The following NFIA variants were observed in gnomAD, a reference collection of about 807,000 sequenced individuals.
The protein encoded by NFIA is nuclear factor 1 A-type.
NFIA carries 8 observed loss-of-function variants against 62.8 expected under a neutral mutation model. That is an observed-to-expected ratio of 0.13 (90% CI 0.07 to 0.23). The LOEUF is 0.23. NFIA is among the 10% of genes least tolerant of loss of function. NFIA has a pLI of 1.00. For synonymous variants in NFIA, 235 were observed against 238.1 expected (o/e 0.99, Z 0.12); for missense variants, 410 against 642.1 (o/e 0.64, Z 3.91).
upstream of NFIA, among the ~76,000 whole-genome samples, chr1:61,081,140 C>T (rs1646089004): frequency 6.6e-6 from 1 of 151,982 alleles, no homozygotes; most frequent in Non-Finnish European, 1.5e-5. Flanking sequence ...TTGTCAAATG[C>T]AGCATTTTGC....
At chr1:61,448,919 G>A (rs1288695181) in intron 10 of NFIA, among the ~76,000 whole-genome samples, 1 of 152,204 alleles carries the variant, frequency 6.6e-6, no homozygotes, top group African/African-American at 2.4e-5. Context: ...TAATTGGATT[G>A]TGTATGCACT....
chr1:61,258,372 C>T (rs925873665), intron 2 of NFIA, among the ~76,000 whole-genome samples: 5 of 152,186 alleles, frequency 3.3e-5, no homozygotes, highest in African/African-American at 1.2e-4. Flanking sequence ...CTAGACCCAT[C>T]TTTTTAAATG....
intron 5 of NFIA, among the ~76,000 whole-genome samples, chr1:61,354,641 A>T (rs1217030573): frequency 6.6e-6 from 1 of 152,214 alleles, no homozygotes; most frequent in Non-Finnish European, 1.5e-5. Context: ...TTGGAACTTT[A>T]AAAATATGCT....
chr1:61,146,623 GTGTT>G (rs1483729522), intron 2 of NFIA, among the ~76,000 whole-genome samples: 1 of 152,174 alleles, frequency 6.6e-6, no homozygotes, highest in East Asian at 1.9e-4. Flanking sequence ...ATAGTACTCT[GTGTT>G]TGTGATTCTG....
At chr1:61,267,995 G>C (rs1287463344) in intron 2 of NFIA, among the ~76,000 whole-genome samples, 1 of 152,152 alleles carries the variant, frequency 6.6e-6, no homozygotes, top group Non-Finnish European at 1.5e-5. Flanking sequence ...AGAGGAGAAT[G>C]ATCCAGTATC....
intron 2 of NFIA, among the ~76,000 whole-genome samples, chr1:61,127,872 C>A (rs938185547): frequency 1.3e-5 from 2 of 152,110 alleles, no homozygotes; most frequent in Non-Finnish European, 2.9e-5. Flanking sequence ...TCTGCAGGAA[C>A]CTTTGAAAAC....
chr1:61,201,690 T>G (rs896116433), intron 2 of NFIA, among the ~76,000 whole-genome samples: 6 of 152,022 alleles, frequency 3.9e-5, no homozygotes, highest in Non-Finnish European at 8.8e-5. Flanking sequence ...TAGAATGAAT[T>G]TATGAGCGAG....
intron 2 of NFIA, among the ~76,000 whole-genome samples, chr1:61,114,690 T>G (rs1646766979): frequency 6.6e-6 from 1 of 152,186 alleles, no homozygotes. Context: ...CCTGGACTTT[T>G]CTTCTTATCT....
intron 4 of NFIA, among the ~76,000 whole-genome samples, chr1:61,349,336 G>A (rs936709694): frequency 6.6e-6 from 1 of 152,008 alleles, no homozygotes; most frequent in Non-Finnish European, 1.5e-5. Flanking sequence ...AGCAGTGACT[G>A]TTTTTGTATA....
intron 2 of NFIA, chr1:61,253,311 A>AG (rs1348488575): frequency 6.6e-6 from 1 of 152,350 alleles, no homozygotes; most frequent in Non-Finnish European, 1.5e-5. Flanking sequence ...TGTTCTTGGG[A>AG]GGCAGGTAGG....
intron 2 of NFIA, chr1:61,249,886 A>T (rs1317679888): frequency 6.6e-6 from 1 of 152,200 alleles, no homozygotes; most frequent in African/African-American, 2.4e-5. Context: ...ATACACTGTG[A>T]CATAGTGAAT....
intron 2 of NFIA, among the ~76,000 whole-genome samples, chr1:61,134,953 A>G (rs1011009040): frequency 6.6e-6 from 1 of 152,256 alleles, no homozygotes; most frequent in Non-Finnish European, 1.5e-5. Flanking sequence ...AAGAAAATAG[A>G]ATGGTATTGA....
At chr1:61,209,936 T>G (rs1261449302) in intron 2 of NFIA, among the ~76,000 whole-genome samples, 2 of 152,212 alleles carry the variant, frequency 1.3e-5, no homozygotes, top group Non-Finnish European at 2.9e-5. Flanking sequence ...ACAGTTTCAC[T>G]GTCCAAAAAT....
intron 4 of NFIA, among the ~76,000 whole-genome samples, chr1:61,350,895 A>G (rs1662515740): frequency 6.6e-6 from 1 of 152,168 alleles, no homozygotes. Flanking sequence ...TCTTATCCCC[A>G]GGTTGGGTTA....
intron 3 of NFIA, among the ~76,000 whole-genome samples, chr1:61,304,579 G>C (rs959447507): frequency 6.6e-6 from 1 of 152,176 alleles, no homozygotes; most frequent in Admixed American, 6.5e-5. Context: ...ATATCCTCAG[G>C]AGGCAGTGGG....
At chr1:61,132,735 T>C (rs1051618436) in intron 2 of NFIA, 1 of 152,220 alleles carries the variant, frequency 6.6e-6, no homozygotes, top group Non-Finnish European at 1.5e-5. Context: ...ACTTTAGATA[T>C]ACATGTTAAA....
chr1:61,348,801 T>C (rs921038340), intron 4 of NFIA, among the ~76,000 whole-genome samples: 3 of 152,164 alleles, frequency 2.0e-5, no homozygotes, highest in Non-Finnish European at 4.4e-5. Flanking sequence ...TCTGTGTTCC[T>C]CTCCTTCCAA....
In NFIA at chr1:61,406,555, C is replaced by CCG. The variant is rs1553183280; in HGVS notation, c.1255-6_1255-5insGC. 2.8e-5 allele frequency: 39 copies of CCG among 1,405,908 alleles called. No individual in the cohort carries two copies. Among genetic ancestry groups the CCG allele is most frequent in the Non-Finnish European group, 3.6e-5 (38 of 1,049,904 alleles). The allele number at this position is 1,405,908 out of a possible 1,614,324, so 87.1% of individuals were successfully genotyped here. ...ACGTGTGTTTTCTGCCCCCCCCCCCCCCACAGCCCAATGGGAGCAGCCAAG... is the reference window on the plus strand; with the variant it reads ...ACGTGTGTTTTCTGCCCCCCCCCCCCCGCCACAGCCCAATGGGAGCAGCCAAG... On this transcript the variant is annotated splice_polypyrimidine_tract_variant and splice_region_variant and intron_variant, in intron 8 of 10. Coordinates refer to ENST00000403491, the MANE Select transcript of NFIA (RefSeq NM_001134673.4).
At chr1:61,310,550 G>A (rs1660044872) in intron 3 of NFIA, among the ~76,000 whole-genome samples, 1 of 152,068 alleles carries the variant, frequency 6.6e-6, no homozygotes, top group Admixed American at 6.6e-5. Flanking sequence ...GTAATGCTCT[G>A]GATAGACCTG....
Sources: gnomAD v4.1 joint callset for allele counts (sites outside exome capture counted in the v4.1 genomes callset) on GRCh38, gnomAD v4.1.1 for gene constraint, MANE v1.5 for transcripts, NCBI Gene and HGNC (gene_info 2026-07-23, HGNC 2026-07-21) for gene names.